FH: variants seen among roughly 807,000 people sequenced by gnomAD.
The protein encoded by FH is fumarate hydratase, mitochondrial.
A neutral mutation model predicts 49.4 loss-of-function variants in FH; 22 were observed. That is an observed-to-expected ratio of 0.45 (90% CI 0.32 to 0.64). FH has a LOEUF of 0.64. Ranked by LOEUF, FH falls within the 30% of genes least tolerant of loss-of-function variation. The probability of loss-of-function intolerance (pLI) is 0.05; values close to 1 mark genes in which losing one functional copy is unlikely to be tolerated. For missense variants in FH, 526 were observed against 641.5 expected (o/e 0.82, Z 1.95); for synonymous variants, 208 against 223.0 (o/e 0.93, Z 0.60).
chr1:241,518,981 G>C (rs1660292588), intron 1 of FH: 1 of 152,282 alleles, frequency 6.6e-6, no homozygotes, highest in Admixed American at 6.5e-5. Context: ...AACAATTACG[G>C]GGGAAACCAT....
In FH at chr1:241,511,818, A is replaced by C. The variant is rs1660090981; in HGVS notation, c.555+149T>G. The stretch of plus-strand genomic sequence containing the variant: ...TTATAAGGATTGAAACATAAAACCA[A>C]GATTCCTTCAAGAAATAAGAACCAT... On this transcript the variant is annotated intron_variant, in intron 4 of 9. Coordinates refer to ENST00000366560, the MANE Select transcript of FH (RefSeq NM_000143.4). 3 of 745,976 alleles carry C rather than the reference A, an allele frequency of 4.0e-6. No individual in the cohort carries two copies. The South Asian group carries it at 5.1e-5, about 13-fold the overall frequency. The allele number at this position is 745,976 out of a possible 1,614,324, so 46.2% of individuals were successfully genotyped here. A position where few individuals can be genotyped will look rare whatever the true frequency, so the allele number is the denominator to read the frequency against.
chr1:241,500,920 T>C (rs528846168), intron 8 of FH, among the ~76,000 whole-genome samples: 4 of 152,236 alleles, frequency 2.6e-5, no homozygotes, highest in African/African-American at 9.6e-5. Flanking sequence ...TTAACTCCAG[T>C]TGTCGGAACT....
intron 6 of FH, 50 bp downstream of exon 6, chr1:241,505,953 C>G (rs1260407062): frequency 1.3e-6 from 2 of 1,538,496 alleles, no homozygotes; most frequent in Admixed American, 3.3e-5. Context: ...AATGTACAGA[C>G]CACGTATAAT....
Position 241,497,865 on chromosome 1 carries a change from T to C in FH, c.1496A>G (p.Glu499Gly). 1 of 1,612,640 alleles carries C rather than the reference T, an allele frequency of 6.2e-7. No individual in the cohort carries two copies. Among genetic ancestry groups the C allele is most frequent in the Non-Finnish European group, 8.5e-7 (1 of 1,179,824 alleles). The change falls in exon 10 of 10, where the codon GAA (glutamate) becomes GGA (glycine). Residue 499 changes from glutamate to glycine, a missense_variant. Glu to Gly is a moderately conservative substitution (Grantham distance 98). Transcript: ENST00000366560. ...LGYLTAEQFD[E>G]WVKPKDMLGP... ...CAGCATGTCCTTAGGTTTTACCCAT[T>C]CGTCAAACTGCTCTGCTGTGAGATA...
chr1:241,500,634 A>AGAGAGAGAGAGG, intron 8 of FH, 44 bp from the exon 9 acceptor site: 1 of 1,608,112 alleles, frequency 6.2e-7, no homozygotes, highest in Non-Finnish European at 8.5e-7. Context: ...AGAGAGAGAG[A>AGAGAGAGAGAGG]GAGAGACATT....
rs1415517940 is a variant in FH at position 241,519,578 on chromosome 1, G to T, written c.132+13C>A. 1.9e-6 allele frequency: 3 copies of T among 1,546,376 alleles called. No homozygotes were observed. The highest frequency in any genetic ancestry group is 1.4e-5 in the African/African-American group (1 of 72,822). On this transcript the variant is annotated intron_variant, in intron 1 of 9. Coordinates refer to ENST00000366560, the MANE Select transcript of FH (RefSeq NM_000143.4). ...CACTGCGGGGAGGCCGGGGGATGGC[G>T]GCCTGCGCTCACCATTCGAGCCGCG...
intron 4 of FH, among the ~76,000 whole-genome samples, chr1:241,509,760 A>C (rs1450175872): frequency 6.6e-6 from 1 of 150,740 alleles, no homozygotes; most frequent in Non-Finnish European, 1.5e-5. Flanking sequence ...TGGGTGACAG[A>C]GTGAAGCACA....
At chr1:241,502,722 A>G in intron 7 of FH, 152 bp from the exon 8 acceptor site, 1 of 893,202 alleles carries the variant, frequency 1.1e-6, no homozygotes, top group Non-Finnish European at 1.8e-6. Flanking sequence ...CAACCAAGGA[A>G]GGTGGGATGG....
chr1:241,519,724 G>GTGC lies in FH; in HGVS notation c.-5_-3dup. 2 of 1,534,440 alleles carry GTGC rather than the reference G, an allele frequency of 1.3e-6. No homozygotes were observed. Among genetic ancestry groups the GTGC allele is most frequent in the Non-Finnish European group, 8.8e-7 (1 of 1,137,140 alleles). On this transcript the variant is annotated 5_prime_UTR_variant, in exon 1 of 10. Coordinates refer to ENST00000366560, the MANE Select transcript of FH (RefSeq NM_000143.4). ...GAGGAGCCGAAGTGCTCGGTACATGGTGCTGAGGGAGCTTGGGTAGAATTT... is the reference window on the plus strand; with the variant it reads ...GAGGAGCCGAAGTGCTCGGTACATGGTGCTGCTGAGGGAGCTTGGGTAGAATTT...
At chr1:241,512,835 T>A (rs1371965103) in intron 3 of FH, among the ~76,000 whole-genome samples, 1 of 152,044 alleles carries the variant, frequency 6.6e-6, no homozygotes, top group African/African-American at 2.4e-5. Context: ...AGTAAAACAG[T>A]CACTATAGTT....
chr1:241,511,920 A>G lies in FH; in HGVS notation c.555+47T>C, dbSNP rs771269308. 3.2e-6 allele frequency: 5 copies of G among 1,571,576 alleles called. No individual in the cohort carries two copies. In the East Asian group the frequency reaches 1.1e-4, roughly 35 times the overall value. Reference sequence around the variant, plus strand: ...TTGTTTTACAAGAACAATCTCAGGTATGCTTTTCAATTTATAACCAAAAAA... The same window carrying G: ...TTGTTTTACAAGAACAATCTCAGGTGTGCTTTTCAATTTATAACCAAAAAA... On this transcript the variant is annotated intron_variant, in intron 4 of 9. Transcript: ENST00000366560.
In FH at chr1:241,498,273, G is replaced by C. The variant is rs375687003; in HGVS notation, c.1391-303C>G. On this transcript the variant is annotated intron_variant, in intron 9 of 9. Coordinates refer to ENST00000366560, the MANE Select transcript of FH (RefSeq NM_000143.4). ...AAAAAAGTAGAAATTATAGCACCAC[G>C]ACATAAAAATATACATCTGGGTATA... Among the ~76,000 whole-genome samples the C allele has an allele frequency of 2.7e-4, 41 of 152,116 alleles. No individual in the cohort carries two copies. The Middle Eastern group carries it at 0.017, about 63-fold the overall frequency.
intron 2 of FH, among the ~76,000 whole-genome samples, chr1:241,516,852 C>T (rs1181469689): frequency 1.3e-5 from 2 of 151,536 alleles, no homozygotes; most frequent in Non-Finnish European, 2.9e-5. Context: ...AGAGTTTCAC[C>T]ATGTTGGCCA....
chr1:241,503,828 C>T (rs1040230788), intron 7 of FH, among the ~76,000 whole-genome samples: 26 of 152,348 alleles, frequency 1.7e-4, no homozygotes, highest in African/African-American at 5.8e-4. Flanking sequence ...ATGTGGGATT[C>T]GAAATACTTG....
intron 3 of FH, 119 bp from the exon 4 acceptor site, chr1:241,512,262 C>T: frequency 1.3e-6 from 1 of 787,462 alleles, no homozygotes; most frequent in Non-Finnish European, 2.1e-6. Flanking sequence ...CTTGCTCCAA[C>T]CACAGATACT....
Position 241,500,435 on chromosome 1 carries a change from A to G in FH, c.1390+2T>C, listed in dbSNP as rs1558396285. On this transcript the variant is annotated splice_donor_variant, in intron 9 of 9. Coordinates refer to ENST00000366560, the MANE Select transcript of FH (RefSeq NM_000143.4). LOFTEE classifies it high-confidence loss of function. ...TGATATTATTATTCCTTAAACACTTACCTATATGAGGATTGAGAGCTGTCA... is the reference window on the plus strand; with the variant it reads ...TGATATTATTATTCCTTAAACACTTGCCTATATGAGGATTGAGAGCTGTCA... The G allele has an allele frequency of 3.1e-6, 5 of 1,613,482 alleles. No individual in the cohort carries two copies. The highest frequency in any genetic ancestry group is 4.2e-6 in the Non-Finnish European group (5 of 1,179,470).
chr1:241,513,731 A>T lies in FH; in HGVS notation c.268-18T>A, dbSNP rs1430617071. ...ACTGGGGTCTAAAATTAATCAGAAA[A>T]ATATTTCAAATTTACAATTTTACTT... On this transcript the variant is annotated intron_variant, in intron 2 of 9. Transcript: ENST00000366560. 1.9e-6 allele frequency: 3 copies of T among 1,594,598 alleles called. No individual in the cohort carries two copies. Among genetic ancestry groups the T allele is most frequent in the Non-Finnish European group, 2.6e-6 (3 of 1,162,292 alleles).
In FH at chr1:241,519,710, G is replaced by T; in HGVS notation, c.13C>A (p.Leu5Ile). MYRALRLLARSRPLV... is the reference protein window; with the variant it reads MYRAIRLLARSRPLV... ...GGACGCGAGCGCGCGAGGAGCCGAAGTGCTCGGTACATGGTGCTGAGGGAG... is the reference window on the plus strand; with the variant it reads ...GGACGCGAGCGCGCGAGGAGCCGAATTGCTCGGTACATGGTGCTGAGGGAG... The change falls in exon 1 of 10, where the codon CTT (leucine) becomes ATT (isoleucine). Residue 5 changes from leucine to isoleucine, a missense_variant. Transcript: ENST00000366560. 6.5e-7 allele frequency: 1 copy of T among 1,547,046 alleles called. No homozygotes were observed. Among genetic ancestry groups the T allele is most frequent in the Non-Finnish European group, 8.7e-7 (1 of 1,145,776 alleles).
chr1:241,505,299 A>G (rs928883734), intron 6 of FH, among the ~76,000 whole-genome samples: 8 of 152,168 alleles, frequency 5.3e-5, no homozygotes, highest in African/African-American at 1.2e-4. Context: ...CCCTATAAAA[A>G]CAGTGTGCTA....
Sources: allele counts gnomAD v4.1 joint callset (sites outside exome capture counted in the v4.1 genomes callset), GRCh38; gene constraint gnomAD v4.1.1; transcripts MANE v1.5; gene names NCBI Gene and HGNC (gene_info 2026-07-23, HGNC 2026-07-21).